CRACDL: variants seen among roughly 807,000 people sequenced by gnomAD.
The protein encoded by CRACDL is CRACD-like protein.
CRACDL carries 26 observed loss-of-function variants against 70.6 expected under a neutral mutation model. The observed-to-expected ratio is 0.37, with a 90% confidence interval of 0.27 to 0.51. The LOEUF is 0.51. Among genes scored for constraint, CRACDL ranks in the 20% least tolerant of loss-of-function variants. The pLI, the probability that CRACDL is intolerant of heterozygous loss-of-function variation, is 0.94. For missense variants in CRACDL, 1,283 were observed against 1,376.9 expected (o/e 0.93, Z 1.08); for synonymous variants, 618 against 615.2 (o/e 1.00, Z -0.07).
chr2:98,895,483 G>C (rs142902160), intron 1 of CRACDL, among the ~76,000 whole-genome samples: 6 of 152,278 alleles, frequency 3.9e-5, no homozygotes, highest in Admixed American at 1.3e-4. Flanking sequence ...CAGGTCCAGG[G>C]AATGGCAGAT....
intron 1 of CRACDL, among the ~76,000 whole-genome samples, chr2:98,909,307 T>C (rs1394639759): frequency 2.0e-5 from 3 of 152,228 alleles, no homozygotes; most frequent in Non-Finnish European, 4.4e-5. Flanking sequence ...GTTCACAAAA[T>C]TGCTTTCTTT....
Position 98,794,621 on chromosome 2 carries a change from T to C in CRACDL, c.2800A>G (p.Ser934Gly), listed in dbSNP as rs1703721172. The stretch of plus-strand genomic sequence containing the variant: ...GATGGCTGATCTGTACTGGCATAAC[T>C]GGCTCTCTTCAGCTGATGCAGTTCC... ...EKELHQLKRA[S>G]YASTDQPSWM... Residue 934 changes from serine to glycine, a missense_variant, in exon 10 of 10, where the codon AGT becomes GGT. Around this residue, in one of 2 missense-constraint regions of CRACDL, gnomAD observed 921 missense variants for 881.9 expected, o/e 1.04. Transcript: ENST00000397899. 6.2e-7 allele frequency: 1 copy of C among 1,613,806 alleles called. No individual in the cohort carries two copies. Among genetic ancestry groups the C allele is most frequent in the East Asian group, 2.2e-5 (1 of 44,868 alleles).
chr2:98,893,115 C>T (rs551717138), intron 1 of CRACDL, among the ~76,000 whole-genome samples: 29 of 152,242 alleles, frequency 1.9e-4, no homozygotes, highest in African/African-American at 5.5e-4. Context: ...CAGCAGGGAG[C>T]GGGGCACAGG....
At chr2:98,844,186 G>C (rs907186248) in intron 2 of CRACDL, among the ~76,000 whole-genome samples, 1 of 152,072 alleles carries the variant, frequency 6.6e-6, no homozygotes. Context: ...GTGCTTTTTT[G>C]TATATGTTGT....
At chr2:98,798,033 A>G (rs1427018794) in intron 7 of CRACDL, among the ~76,000 whole-genome samples, 2 of 152,148 alleles carry the variant, frequency 1.3e-5, no homozygotes, top group Non-Finnish European at 2.9e-5. Context: ...GAGAGAAAAG[A>G]AATAGTGCCT....
intron 1 of CRACDL, among the ~76,000 whole-genome samples, chr2:98,853,117 A>T (rs1706551405): frequency 6.6e-6 from 1 of 152,196 alleles, no homozygotes. Context: ...GGTGGAAAAG[A>T]TAATGTTACA....
chr2:98,795,211 G>T (rs932263763), intron 9 of CRACDL, among the ~76,000 whole-genome samples: 1 of 150,688 alleles, frequency 6.6e-6, no homozygotes, highest in South Asian at 2.1e-4. Context: ...AAATAGCTGG[G>T]ATTACAGACA....
chr2:98,855,004 T>C (rs573530813), intron 1 of CRACDL, among the ~76,000 whole-genome samples: 1 of 152,344 alleles, frequency 6.6e-6, no homozygotes, highest in South Asian at 2.1e-4. Flanking sequence ...AAAAGAATGT[T>C]CTTGGCTGGG....
chr2:98,817,131 T>C (rs76011993), intron 7 of CRACDL, among the ~76,000 whole-genome samples: 3,894 of 152,288 alleles, frequency 0.026, 81 homozygotes, highest in East Asian at 0.093. Context: ...ATCACATTTC[T>C]ATGTGAAATC....
intron 3 of CRACDL, among the ~76,000 whole-genome samples, chr2:98,836,284 C>T (rs1705778073): frequency 6.6e-6 from 1 of 152,144 alleles, no homozygotes. Context: ...GCTGTTTTCC[C>T]CACAGTGATG....
intron 1 of CRACDL, among the ~76,000 whole-genome samples, chr2:98,894,019 G>A (rs1708051116): frequency 1.3e-5 from 2 of 152,186 alleles, no homozygotes; most frequent in African/African-American, 4.8e-5. Flanking sequence ...GGGTCAAGAA[G>A]CAATGGGCTT....
intron 1 of CRACDL, chr2:98,869,220 G>A: frequency 7.7e-7 from 1 of 1,299,800 alleles, no homozygotes. Flanking sequence ...GGGCCCACGG[G>A]TCACCACTGG....
chr2:98,917,822 C>G (rs985093741), intron 1 of CRACDL, among the ~76,000 whole-genome samples: 5 of 152,192 alleles, frequency 3.3e-5, no homozygotes, highest in Non-Finnish European at 4.4e-5. Flanking sequence ...ATTCCACGCT[C>G]TATGTCCATG....
chr2:98,914,502 G>C (rs891221462), intron 1 of CRACDL, among the ~76,000 whole-genome samples: 1 of 152,226 alleles, frequency 6.6e-6, no homozygotes, highest in Non-Finnish European at 1.5e-5. Context: ...GAGGTGGGGG[G>C]CTCTAAGATT....
chr2:98,881,247 A>T (rs12712038), intron 1 of CRACDL, among the ~76,000 whole-genome samples: 1 of 151,994 alleles, frequency 6.6e-6, no homozygotes, highest in Non-Finnish European at 1.5e-5. Context: ...GAACGCTGGT[A>T]CCCCTGCCCC....
chr2:98,827,809 G>A (rs554433834), intron 5 of CRACDL, among the ~76,000 whole-genome samples: 29 of 152,276 alleles, frequency 1.9e-4, no homozygotes, highest in South Asian at 8.3e-4. Flanking sequence ...ACACCAGCCT[G>A]ATTTGTCCAA....
At chr2:98,935,570 T>C (rs367612963) in intron 1 of CRACDL, among the ~76,000 whole-genome samples, 28 of 152,178 alleles carry the variant, frequency 1.8e-4, no homozygotes, top group East Asian at 1.7e-3. Context: ...GTGGAGACAG[T>C]GGGCATAAAG....
intron 1 of CRACDL, among the ~76,000 whole-genome samples, chr2:98,912,403 T>A (rs946008432): frequency 1.3e-5 from 2 of 152,206 alleles, no homozygotes; most frequent in Non-Finnish European, 2.9e-5. Context: ...CACACCTGTC[T>A]GCCACTCGAT....
intron 6 of CRACDL, among the ~76,000 whole-genome samples, chr2:98,826,046 C>T (rs116262641): frequency 5.2e-4 from 79 of 152,286 alleles, no homozygotes; most frequent in Non-Finnish European, 1.0e-3. Flanking sequence ...TCTCTGTGGC[C>T]AGGCTGGTCC....
Sources: gnomAD v4.1 joint callset for allele counts (sites outside exome capture counted in the v4.1 genomes callset) on GRCh38, gnomAD v4.1.1 for gene constraint, gnomAD v4.1.1 regional missense constraint, MANE v1.5 for transcripts, NCBI Gene and HGNC (gene_info 2026-07-23, HGNC 2026-07-21) for gene names.